Variants in PTPRD observed in about 807,000 individuals in gnomAD.
PTPRD encodes the protein protein tyrosine phosphatase receptor type D, also known as receptor-type tyrosine-protein phosphatase delta.
Under a neutral mutation model 214.5 loss-of-function variants are expected in PTPRD, and 34 were observed. The ratio of observed to expected loss-of-function variants is 0.16; its 90% confidence interval spans 0.12 to 0.21. PTPRD has a LOEUF of 0.21. Ranked by LOEUF, PTPRD falls within the 10% of genes least tolerant of loss-of-function variation. The pLI, the probability that PTPRD is intolerant of heterozygous loss-of-function variation, is 1.00. For missense variants in PTPRD, 2,545 were observed against 2,398.7 expected (o/e 1.06, Z -1.27); for synonymous variants, 1,128 against 845.7 (o/e 1.33, Z -5.79).
chr9:10,171,106 G>T (rs760667080), intron 3 of PTPRD, among the ~76,000 whole-genome samples: 3 of 152,076 alleles, frequency 2.0e-5, no homozygotes, highest in Non-Finnish European at 4.4e-5. Flanking sequence ...CATTTATAAA[G>T]CCCCATTTAC....
At chr9:10,176,839 C>T (rs146590642) in intron 3 of PTPRD, among the ~76,000 whole-genome samples, 2 of 152,068 alleles carry the variant, frequency 1.3e-5, no homozygotes, top group African/African-American at 2.4e-5. Context: ...GGAATAAACA[C>T]TTAATGTCTA....
chr9:9,678,149 T>C (rs1431527445), intron 7 of PTPRD, among the ~76,000 whole-genome samples: 2 of 152,054 alleles, frequency 1.3e-5, no homozygotes, highest in Admixed American at 6.6e-5. Flanking sequence ...CTGCCCAAGG[T>C]AATTTATAGA....
intron 3 of PTPRD, among the ~76,000 whole-genome samples, chr9:10,159,935 A>T (rs1402784240): frequency 6.6e-6 from 1 of 152,094 alleles, no homozygotes; most frequent in Non-Finnish European, 1.5e-5. Context: ...GGAGAAGGAA[A>T]CTTCCCTTCA....
chr9:8,365,528 A>G (rs1377625463), intron 39 of PTPRD, among the ~76,000 whole-genome samples: 1 of 152,030 alleles, frequency 6.6e-6, no homozygotes, highest in Non-Finnish European at 1.5e-5. Flanking sequence ...CTGGGGAGGG[A>G]AATTCACATT....
At chr9:8,849,059 T>G (rs574947662) in intron 11 of PTPRD, among the ~76,000 whole-genome samples, 10 of 152,124 alleles carry the variant, frequency 6.6e-5, no homozygotes, top group African/African-American at 2.4e-4. Flanking sequence ...TTTTTCCCCA[T>G]AAAGGAATTT....
At chr9:10,493,267 C>T (rs1217184079) in intron 2 of PTPRD, among the ~76,000 whole-genome samples, 1 of 151,752 alleles carries the variant, frequency 6.6e-6, no homozygotes, top group Non-Finnish European at 1.5e-5. Flanking sequence ...CACATGGAAC[C>T]AAAAAAAGAA....
At chr9:10,213,872 G>C (rs2154343537) in intron 3 of PTPRD, among the ~76,000 whole-genome samples, 1 of 152,074 alleles carries the variant, frequency 6.6e-6, no homozygotes, top group South Asian at 2.1e-4. Context: ...AATACTTACT[G>C]AGATTATACA....
intron 11 of PTPRD, among the ~76,000 whole-genome samples, chr9:8,922,360 ATG>A (rs2098833562): frequency 1.3e-5 from 2 of 152,194 alleles, no homozygotes; most frequent in South Asian, 4.1e-4. Context: ...GGCATTTTTT[ATG>A]CCAAATATCT....
chr9:8,592,729 T>G (rs1193315489), intron 14 of PTPRD, among the ~76,000 whole-genome samples: 1 of 152,328 alleles, frequency 6.6e-6, no homozygotes, highest in Non-Finnish European at 1.5e-5. Flanking sequence ...AGGGTTGCTG[T>G]GCTTGAAGAT....
rs2089596958 is a variant in PTPRD at position 9,936,732 on chromosome 9, C to A, written c.-368+1775G>T. Among the ~76,000 whole-genome samples the A allele has an allele frequency of 5.2e-5, 7 of 135,602 alleles. No homozygotes were observed. In the Admixed American group the frequency reaches 5.5e-4, roughly 11 times the overall value. The allele number at this position is 135,602 out of a possible 152,430, so 89.0% of individuals were successfully genotyped here. On this transcript the variant is annotated intron_variant, in intron 5 of 45. Transcript: ENST00000381196. ...CAGCCATCCCATTACTGGGTATATA[C>A]CCAAAGGACTATAAATCATGCTGCT... is the stretch of plus-strand genomic sequence containing the variant.
intron 2 of PTPRD, among the ~76,000 whole-genome samples, chr9:10,517,119 T>C (rs1371559857): frequency 1.3e-5 from 2 of 152,056 alleles, no homozygotes; most frequent in African/African-American, 4.8e-5. Context: ...CATTTGAATT[T>C]TGACAGATAT....
intron 10 of PTPRD, among the ~76,000 whole-genome samples, chr9:9,127,199 G>A (rs1323753548): frequency 1.3e-5 from 2 of 152,170 alleles, no homozygotes; most frequent in African/African-American, 2.4e-5. Context: ...ATGGGAAAAC[G>A]AGAATACCTG....
chr9:10,338,818 G>A (rs116322546), intron 3 of PTPRD, among the ~76,000 whole-genome samples: 2 of 151,656 alleles, frequency 1.3e-5, no homozygotes, highest in East Asian at 3.9e-4. Context: ...CTCTAAGAAA[G>A]TGAGGAGAGA....
chr9:9,413,389 C>G (rs1276144758), intron 8 of PTPRD, among the ~76,000 whole-genome samples: 1 of 151,952 alleles, frequency 6.6e-6, no homozygotes, highest in South Asian at 2.1e-4. Flanking sequence ...GCTGGGATTA[C>G]AGGCGTGAGC....
chr9:9,920,022 A>T (rs1428502340), intron 5 of PTPRD, among the ~76,000 whole-genome samples: 1 of 152,096 alleles, frequency 6.6e-6, no homozygotes, highest in East Asian at 1.9e-4. Context: ...TCTTTTCTTG[A>T]GGTTACAATA....
intron 11 of PTPRD, among the ~76,000 whole-genome samples, chr9:8,803,738 TAA>T (rs955348096): frequency 7.4e-6 from 1 of 135,842 alleles, no homozygotes; most frequent in Non-Finnish European, 1.6e-5. Flanking sequence ...TGTCTCAAAT[TAA>T]AAAAAAAAAA....
intron 10 of PTPRD, among the ~76,000 whole-genome samples, chr9:9,153,202 A>T (rs1376556337): frequency 6.6e-6 from 1 of 152,238 alleles, no homozygotes; most frequent in African/African-American, 2.4e-5. Context: ...CTTCAATAGC[A>T]TCAGCTTCTA....
intron 4 of PTPRD, among the ~76,000 whole-genome samples, chr9:10,018,828 C>T (rs1250871906): frequency 2.6e-5 from 4 of 152,084 alleles, no homozygotes; most frequent in Middle Eastern, 3.4e-3. Context: ...GGATTACAGG[C>T]GTGAGCCACC....
At chr9:8,930,296 C>A (rs199810459) in intron 11 of PTPRD, among the ~76,000 whole-genome samples, 3 of 151,872 alleles carry the variant, frequency 2.0e-5, no homozygotes, top group South Asian at 2.1e-4. Context: ...TGAACTCATC[C>A]TTTTTAATGG....
Sources: allele counts gnomAD v4.1 joint callset (sites outside exome capture counted in the v4.1 genomes callset), GRCh38; gene constraint gnomAD v4.1.1; transcripts MANE v1.5; gene names NCBI Gene and HGNC (gene_info 2026-07-23, HGNC 2026-07-21).